Variants in TRIM9 observed in about 807,000 individuals in gnomAD.
TRIM9 encodes tripartite motif containing 9, also known as E3 ubiquitin-protein ligase TRIM9.
In TRIM9, 26 loss-of-function variants were observed where a neutral mutation model predicts 78.3. That is an observed-to-expected ratio of 0.33 (90% CI 0.24 to 0.46). TRIM9 has a LOEUF of 0.46. Ranked by LOEUF, TRIM9 falls within the 20% of genes least tolerant of loss-of-function variation. The probability of loss-of-function intolerance (pLI) is 1.00; values close to 1 mark genes in which losing one functional copy is unlikely to be tolerated. For missense variants in TRIM9, 787 were observed against 1,036.4 expected, an observed-to-expected ratio of 0.76 and a Z score of 3.30; for synonymous variants, 398 against 416.5, an observed-to-expected ratio of 0.96 and a Z score of 0.54.
rs1057028475 is a variant in TRIM9 at position 50,986,341 on chromosome 14, G to C, written c.1604-197C>G. ...TTCGGCAGATCAGGACCCAAGACCA[G>C]AGGACACCTCGAACAACAAAGGCAA... is the stretch of plus-strand genomic sequence containing the variant. On this transcript the variant is annotated intron_variant, in intron 7 of 12. Coordinates refer to ENST00000684578, the MANE Select transcript of TRIM9 (RefSeq NM_001387360.1). 16 of 397,704 alleles carry C rather than the reference G, an allele frequency of 4.0e-5. No homozygotes were observed. In the East Asian group the frequency reaches 5.9e-4, roughly 15 times the overall value. 24.6% of individuals were successfully genotyped at this position (397,704 alleles called of 1,614,324 possible).
intron 6 of TRIM9, 151 bp downstream of exon 6, chr14:51,000,532 G>A: frequency 2.0e-6 from 2 of 1,023,420 alleles, no homozygotes; most frequent in South Asian, 1.6e-5. Context: ...GGTAGAGGGA[G>A]AAAGCAGGCT....
rs2051050629 is a variant in TRIM9 at position 50,975,785 on chromosome 14, C to T, written c.*1506G>A. On this transcript the variant is annotated 3_prime_UTR_variant, in exon 13 of 13. Coordinates refer to ENST00000684578, the MANE Select transcript of TRIM9 (RefSeq NM_001387360.1). The stretch of plus-strand genomic sequence containing the variant: ...TTAGACAACTAATTAGAACTTCTTT[C>T]CGGGTCCTACCTTTCCTAAAACTTT... 1.3e-5 allele frequency: 2 copies of T among 152,622 alleles called. No individual in the cohort carries two copies. The highest frequency in any genetic ancestry group is 6.5e-5 in the Admixed American group (1 of 15,282). The allele number at this position is 152,622 out of a possible 1,614,324, so 9.5% of individuals were successfully genotyped here.
At chr14:51,050,052 T>A (rs949943338) in intron 1 of TRIM9, among the ~76,000 whole-genome samples, 1 of 151,914 alleles carries the variant, frequency 6.6e-6, no homozygotes, top group African/African-American at 2.4e-5. Context: ...GTGAGACAGT[T>A]TTTAGTGGGG....
intron 1 of TRIM9, among the ~76,000 whole-genome samples, chr14:51,038,342 T>TA (rs1160635764): frequency 6.6e-6 from 1 of 152,172 alleles, no homozygotes; most frequent in Non-Finnish European, 1.5e-5. Context: ...GAGTGCAAGG[T>TA]AAAAAATCTA....
intron 7 of TRIM9, among the ~76,000 whole-genome samples, chr14:50,988,800 G>C (rs935918995): frequency 1.3e-5 from 2 of 152,118 alleles, no homozygotes; most frequent in Non-Finnish European, 2.9e-5. Context: ...GGCATGTAGT[G>C]CACATGCTGG....
At chr14:51,027,983 G>C (rs746279485) in intron 1 of TRIM9, among the ~76,000 whole-genome samples, 2 of 152,164 alleles carry the variant, frequency 1.3e-5, no homozygotes, top group Non-Finnish European at 2.9e-5. Flanking sequence ...AAGCTGCCTG[G>C]TGTCTTGTAT....
At chr14:51,009,020 T>C (rs1454947248) in intron 5 of TRIM9, 60 bp downstream of exon 5, 17 of 1,573,164 alleles carry the variant, frequency 1.1e-5, no homozygotes, top group Non-Finnish European at 1.5e-5. Context: ...CTGATCCTGC[T>C]TCAAGCACCA....
chr14:51,053,636 G>T (rs1596277095), intron 1 of TRIM9, among the ~76,000 whole-genome samples: 3 of 101,488 alleles, frequency 3.0e-5, no homozygotes, highest in African/African-American at 3.9e-5. Context: ...TAGGGTACAT[G>T]TGCACATTGT....
chr14:51,038,318 C>T (rs1434114581), intron 1 of TRIM9, among the ~76,000 whole-genome samples: 2 of 152,148 alleles, frequency 1.3e-5, no homozygotes, highest in South Asian at 2.1e-4. Flanking sequence ...GTTTGTTGGA[C>T]TTCTGACCTA....
chr14:51,002,266 C>G (rs2055164936), intron 5 of TRIM9, among the ~76,000 whole-genome samples: 1 of 151,196 alleles, frequency 6.6e-6, no homozygotes, highest in Admixed American at 6.6e-5. Flanking sequence ...GGACTACAGG[C>G]CCCTGCCACC....
intron 1 of TRIM9, among the ~76,000 whole-genome samples, chr14:51,083,385 G>T (rs2140321155): frequency 6.6e-6 from 1 of 152,110 alleles, no homozygotes; most frequent in Non-Finnish European, 1.5e-5. Flanking sequence ...ATCCTCAGTA[G>T]CTCGGACTAC....
intron 1 of TRIM9, among the ~76,000 whole-genome samples, chr14:51,077,333 C>T (rs1162016547): frequency 1.3e-5 from 2 of 149,742 alleles, no homozygotes; most frequent in Admixed American, 6.7e-5. Flanking sequence ...TGAGGTAAGG[C>T]GACCATGAGC....
At chr14:51,058,054 T>G (rs1385829564) in intron 1 of TRIM9, among the ~76,000 whole-genome samples, 1 of 152,208 alleles carries the variant, frequency 6.6e-6, no homozygotes, top group Non-Finnish European at 1.5e-5. Context: ...AAACAGATTA[T>G]AGTAATCTGA....
intron 7 of TRIM9, among the ~76,000 whole-genome samples, chr14:50,991,667 G>C (rs2053526588): frequency 6.6e-6 from 1 of 152,156 alleles, no homozygotes; most frequent in African/African-American, 2.4e-5. Context: ...GGAGGCAGGA[G>C]GTATCTAATG....
At chr14:51,094,025 G>T in intron 1 of TRIM9, 93 bp downstream of exon 1, 2 of 1,312,620 alleles carry the variant, frequency 1.5e-6, no homozygotes, top group Non-Finnish European at 2.1e-6. Context: ...GCCCCCACTG[G>T]GATGCGCTGT....
chr14:50,982,748 T>G, intron 10 of TRIM9, 194 bp downstream of exon 10: 1 of 527,974 alleles, frequency 1.9e-6, no homozygotes, highest in South Asian at 3.5e-5. Flanking sequence ...GAAATTTTGC[T>G]GGAGCAGTAG....
intron 7 of TRIM9, among the ~76,000 whole-genome samples, chr14:50,993,774 G>A (rs959815854): frequency 3.9e-5 from 6 of 152,092 alleles, no homozygotes; most frequent in African/African-American, 1.4e-4. Flanking sequence ...TTTGGTTGAG[G>A]GCAAATAGCA....
At chr14:51,089,874 T>C (rs1457097851) in intron 1 of TRIM9, 1 of 152,126 alleles carries the variant, frequency 6.6e-6, no homozygotes, top group African/African-American at 2.4e-5. Context: ...TGACTCTGTT[T>C]GACATGAATG....
chr14:51,001,343 C>A (rs1228405567), intron 5 of TRIM9, among the ~76,000 whole-genome samples: 1 of 151,672 alleles, frequency 6.6e-6, no homozygotes, highest in Non-Finnish European at 1.5e-5. Context: ...CATTCTCCTG[C>A]CTCAGCCTCC....
Sources: gnomAD v4.1 joint callset for allele counts (sites outside exome capture counted in the v4.1 genomes callset) on GRCh38, gnomAD v4.1.1 for gene constraint, MANE v1.5 for transcripts, NCBI Gene and HGNC (gene_info 2026-07-23, HGNC 2026-07-21) for gene names.